The following ADORA2B variants were observed in gnomAD, a reference collection of about 807,000 sequenced individuals.
ADORA2B encodes adenosine receptor A2b.
A neutral mutation model predicts 20.8 loss-of-function variants in ADORA2B; 18 were observed. The ratio of observed to expected loss-of-function variants is 0.87; its 90% CI spans 0.60 to 1.29. The LOEUF (loss-of-function observed/expected upper bound fraction) is 1.29. Among genes scored for constraint, ADORA2B ranks in the 50% most tolerant of loss-of-function variants. ADORA2B has a pLI of 0.00. For synonymous variants in ADORA2B, 179 were observed against 178.3 expected, an observed-to-expected ratio of 1.00 and a Z score of -0.03; for missense variants, 441 against 422.7, an observed-to-expected ratio of 1.04 and a Z score of -0.38.
the ADORA2B span, among the ~76,000 whole-genome samples, chr17:15,897,685 A>G: frequency 6.6e-6 from 1 of 152,242 alleles, no homozygotes; most frequent in Non-Finnish European, 1.5e-5. Context: ...CAAGTGTCCA[A>G]TAGACATTTT....
At chr17:15,973,304 ATCTT>A (rs1305422129) in intron 1 of ADORA2B, among the ~76,000 whole-genome samples, 2 of 152,082 alleles carry the variant, frequency 1.3e-5, no homozygotes, top group African/African-American at 4.8e-5. Flanking sequence ...GCCCATCCTG[ATCTT>A]TCTTACTCTG....
At chr17:15,960,717 C>G (rs1970024369) in intron 1 of ADORA2B, among the ~76,000 whole-genome samples, 2 of 142,996 alleles carry the variant, frequency 1.4e-5, no homozygotes, top group South Asian at 4.5e-4. Context: ...TAAAAACACA[C>G]ACAAAAAAAT....
At chr17:15,880,784 A>T in the ADORA2B span, among the ~76,000 whole-genome samples, 1 of 152,188 alleles carries the variant, frequency 6.6e-6, no homozygotes, top group African/African-American at 2.4e-5. Context: ...CACTGAGCCT[A>T]GCAGCGCCAG....
the ADORA2B span, among the ~76,000 whole-genome samples, chr17:15,911,115 C>T: frequency 6.6e-6 from 1 of 152,204 alleles, no homozygotes; most frequent in African/African-American, 2.4e-5. Context: ...GGGCAGGCAG[C>T]CTGTGGGAGC....
At chr17:15,972,621 A>G (rs2779211) in intron 1 of ADORA2B, among the ~76,000 whole-genome samples, 64,944 of 151,994 alleles carry the variant, frequency 0.43, 15,466 homozygotes, top group Middle Eastern at 0.56. Context: ...CTCTTGCCCC[A>G]TAACTCACTT....
chr17:15,950,120 G>T (rs893986649), intron 1 of ADORA2B, among the ~76,000 whole-genome samples: 1 of 152,214 alleles, frequency 6.6e-6, no homozygotes, highest in Non-Finnish European at 1.5e-5. Context: ...GCTTTCTGTG[G>T]ATCTTGAGAG....
At chr17:15,960,964 G>A (rs766570096) in intron 1 of ADORA2B, among the ~76,000 whole-genome samples, 4 of 150,950 alleles carry the variant, frequency 2.6e-5, no homozygotes, top group Admixed American at 1.3e-4. Flanking sequence ...TCAGGAGATT[G>A]AGACCATCCT....
the ADORA2B span, among the ~76,000 whole-genome samples, chr17:15,921,049 T>A: frequency 6.6e-6 from 1 of 152,270 alleles, no homozygotes; most frequent in Non-Finnish European, 1.5e-5. Context: ...GCTTCCGGCC[T>A]TCCGATCATT....
the ADORA2B span, among the ~76,000 whole-genome samples, chr17:15,873,674 A>G: frequency 6.6e-6 from 1 of 152,240 alleles, no homozygotes; most frequent in African/African-American, 2.4e-5. Flanking sequence ...AGGGAAATGC[A>G]AAATAAAACC....
At chr17:15,891,120 G>A in the ADORA2B span, among the ~76,000 whole-genome samples, 1 of 152,162 alleles carries the variant, frequency 6.6e-6, no homozygotes, top group African/African-American at 2.4e-5. Context: ...TTAAAAATTA[G>A]CCGGGCGTGG....
At chr17:15,891,999 C>A in the ADORA2B span, among the ~76,000 whole-genome samples, 1 of 150,510 alleles carries the variant, frequency 6.6e-6, no homozygotes, top group Admixed American at 6.6e-5. Context: ...CAGGCATGCA[C>A]CACCATGCCC....
the ADORA2B span, among the ~76,000 whole-genome samples, chr17:15,851,952 G>A: frequency 3.9e-5 from 6 of 152,322 alleles, no homozygotes; most frequent in African/African-American, 1.4e-4. Flanking sequence ...TAAAGATTAA[G>A]TAAATGAACA....
chr17:15,886,808 G>A, the ADORA2B span, among the ~76,000 whole-genome samples: 2 of 130,244 alleles, frequency 1.5e-5, 1 homozygote, highest in Non-Finnish European at 3.3e-5. Flanking sequence ...TGAACTGAGA[G>A]CACAGAGAAG....
the ADORA2B span, among the ~76,000 whole-genome samples, chr17:15,918,296 C>T: frequency 6.6e-6 from 1 of 152,158 alleles, no homozygotes; most frequent in African/African-American, 2.4e-5. Context: ...GAGGGGCACA[C>T]AAACATTCAG....
the ADORA2B span, among the ~76,000 whole-genome samples, chr17:15,881,097 CTTTTTTTATTTTTATTTA>C: frequency 6.6e-6 from 1 of 152,004 alleles, no homozygotes; most frequent in Non-Finnish European, 1.5e-5. Context: ...TCTGGTTTTT[CTTTTTTTATTTTTATTTA>C]TTTTGAGACG....
chr17:15,891,816 G>A, the ADORA2B span, among the ~76,000 whole-genome samples: 1 of 150,866 alleles, frequency 6.6e-6, no homozygotes, highest in African/African-American at 2.4e-5. Flanking sequence ...TGAGTAGCTG[G>A]GATTACAGGC....
the ADORA2B span, among the ~76,000 whole-genome samples, chr17:15,866,736 T>TCTGCCGCTGCCG: frequency 7.6e-6 from 1 of 130,980 alleles, no homozygotes; most frequent in Admixed American, 7.3e-5. Flanking sequence ...TGCCGCTGCC[T>TCTGCCGCTGCCG]CTGCCTCTGC....
the ADORA2B span, among the ~76,000 whole-genome samples, chr17:15,924,020 C>T: frequency 1.3e-5 from 2 of 152,200 alleles, no homozygotes; most frequent in Non-Finnish European, 2.9e-5. Flanking sequence ...ACAAGCCATT[C>T]TCCTGCCTTC....
the ADORA2B span, among the ~76,000 whole-genome samples, chr17:15,869,643 G>A: frequency 6.6e-6 from 1 of 152,150 alleles, no homozygotes; most frequent in South Asian, 2.1e-4. Flanking sequence ...GACAGCGTCA[G>A]GAATGGACCT....
Sources: allele counts gnomAD v4.1 joint callset (sites outside exome capture counted in the v4.1 genomes callset), GRCh38; gene constraint gnomAD v4.1.1; transcripts MANE v1.5; gene names NCBI Gene and HGNC (gene_info 2026-07-23, HGNC 2026-07-21).